The following SPINK9 variants were observed in gnomAD, a reference collection of about 807,000 sequenced individuals.
SPINK9 encodes serine protease inhibitor Kazal-type 9.
Under a neutral mutation model 10.8 loss-of-function variants are expected in SPINK9, and 3 were observed. That is an observed-to-expected ratio of 0.28 (90% CI 0.13 to 0.72). The LOEUF (loss-of-function observed/expected upper bound fraction) is 0.72, where lower values mean the gene tolerates loss of function less well. SPINK9 is among the 30% of genes least tolerant of loss of function. The pLI is 0.74. For synonymous variants in SPINK9, 30 were observed against 31.2 expected (o/e 0.96, Z 0.12); for missense variants, 101 against 103.2 (o/e 0.98, Z 0.09).
At position 148,338,585 on chromosome 5, in the gene SPINK9, C is replaced by A; in HGVS notation, c.195C>A (p.Cys65Ter). 6.3e-7 allele frequency: 1 copy of A among 1,592,210 alleles called. No individual in the cohort carries two copies. Among genetic ancestry groups the A allele is most frequent in the Non-Finnish European group, 8.6e-7 (1 of 1,162,840 alleles). ...GSDGKTYKND[C>*]FFCSKVKKTD... is the part of the protein sequence containing the mutation. ...ATGGCAAAACTTATAAAAATGATTG[C>A]TTCTTCTGTTCTAAAGTTAAGTAAG... Residue 65 changes from cysteine (C) to a stop codon, truncating the protein, a stop_gained, in exon 3 of 4, where the codon TGC (cysteine) becomes TGA (stop). Coordinates refer to ENST00000377906, the MANE Select transcript of SPINK9 (RefSeq NM_001040433.2). LOFTEE classifies it high-confidence loss of function.
exon 2 of SPINK9, chr5:148,323,785 A>G (rs564745155): frequency 8.6e-6 from 6 of 701,162 alleles, no homozygotes; most frequent in South Asian, 5.9e-5. Context: ...CATTGTTTTC[A>G]TTATAAAACT....
chr5:148,323,450 G>A (rs1202671535), intron 1 of SPINK9, among the ~76,000 whole-genome samples: 1 of 152,132 alleles, frequency 6.6e-6, no homozygotes, highest in Admixed American at 6.6e-5. Context: ...GTTCAAATGA[G>A]TTCCCACTGA....
At chr5:148,325,794 C>T (rs998342768) in intron 2 of SPINK9, among the ~76,000 whole-genome samples, 1 of 152,040 alleles carries the variant, frequency 6.6e-6, no homozygotes, top group Non-Finnish European at 1.5e-5. Flanking sequence ...TCTAAGAAAT[C>T]ATTGCCTATT....
At chr5:148,330,541 T>C (rs182669030) in intron 2 of SPINK9, among the ~76,000 whole-genome samples, 8 of 152,360 alleles carry the variant, frequency 5.3e-5, no homozygotes, top group South Asian at 4.1e-4. Flanking sequence ...AATTTGATCC[T>C]GTCACTATGA....
intron 3 of SPINK9, 57 bp downstream of exon 3, chr5:148,338,662 A>C (rs759715765): frequency 4.2e-5 from 56 of 1,342,486 alleles, no homozygotes; most frequent in Non-Finnish European, 5.7e-5. Context: ...TATTAAGACA[A>C]ATTAGAAGGT....
chr5:148,339,661 C>G lies in SPINK9; in HGVS notation c.216-6C>G. On this transcript the variant is annotated splice_region_variant and splice_polypyrimidine_tract_variant and intron_variant, in intron 3 of 3. Transcript: ENST00000377906. ...TTTCTCATTTGTTGCTATATTCTCT[C>G]CACAGGAAAACTGACGGCACACTTA... The G allele has an allele frequency of 6.2e-7, 1 of 1,612,320 alleles. No individual in the cohort carries two copies. Among genetic ancestry groups the G allele is most frequent in the Non-Finnish European group, 8.5e-7 (1 of 1,178,980 alleles).
chr5:148,333,951 T>A (rs1043829597), upstream of SPINK9, among the ~76,000 whole-genome samples: 1 of 152,174 alleles, frequency 6.6e-6, no homozygotes, highest in African/African-American at 2.4e-5. Context: ...CTTACTGTTA[T>A]TGCTATTATC....
rs779153099 is a variant in SPINK9, at chr5:148,335,618, G to A, written c.5G>A (p.Arg2Lys). The A allele has an allele frequency of 1.2e-6, 2 of 1,613,528 alleles. No homozygotes were observed. The highest frequency in any genetic ancestry group is 1.7e-5 in the Admixed American group (1 of 60,000). Residue 2 changes from arginine to lysine, a missense_variant, in exon 1 of 4, where the codon AGA becomes AAA. Arg to Lys is a conservative substitution (Grantham distance 26, BLOSUM62 2). Transcript: ENST00000377906. ...TGCCTTGGCCACTTCAGTACTATGAGAGCAACAGCCATAGTCCTACTCTTG... is the reference window on the plus strand; with the variant it reads ...TGCCTTGGCCACTTCAGTACTATGAAAGCAACAGCCATAGTCCTACTCTTG... M[R>K]ATAIVLLLAL...
upstream of SPINK9, among the ~76,000 whole-genome samples, chr5:148,335,262 A>T (rs972469559): frequency 6.6e-6 from 1 of 152,218 alleles, no homozygotes; most frequent in Non-Finnish European, 1.5e-5. Flanking sequence ...ACCATGGCCA[A>T]AAGATTGCTG....
At chr5:148,334,174 G>T (rs1057379209), upstream of SPINK9, among the ~76,000 whole-genome samples, 1 of 151,960 alleles carries the variant, frequency 6.6e-6, no homozygotes, top group East Asian at 1.9e-4. Context: ...TCTTACTAAA[G>T]GCAGGCTAAG....
At chr5:148,335,523 T>C, upstream of SPINK9, 1 of 1,179,748 alleles carries the variant, frequency 8.5e-7, no homozygotes, top group Non-Finnish European at 1.2e-6. Context: ...CAGGAATTCT[T>C]GAAAATATAT....
chr5:148,331,867 A>T (rs1272008620), upstream of SPINK9, among the ~76,000 whole-genome samples: 2 of 152,252 alleles, frequency 1.3e-5, no homozygotes, highest in African/African-American at 4.8e-5. Context: ...ATAGCTTTGT[A>T]GTAAATTTTA....
chr5:148,327,738 C>T (rs1757084649), intron 2 of SPINK9, among the ~76,000 whole-genome samples: 1 of 151,342 alleles, frequency 6.6e-6, no homozygotes, highest in Non-Finnish European at 1.5e-5. Context: ...AGCCAGTTTT[C>T]CCAGCACCAT....
At chr5:148,331,092 G>C (rs773457052), upstream of SPINK9, among the ~76,000 whole-genome samples, 1 of 152,188 alleles carries the variant, frequency 6.6e-6, no homozygotes, top group Non-Finnish European at 1.5e-5. Context: ...TGCACCCACT[G>C]TCCTGCACCC....
At position 148,335,683 on chromosome 5, in the gene SPINK9, T is replaced by C. The variant is rs752457064; in HGVS notation, c.55+15T>C. ...AACCATGTTCAGTGAGTATCTCTGA[T>C]AATACTGCCCCTGCCCTTGTACTAA... On this transcript the variant is annotated intron_variant, in intron 1 of 3. Transcript: ENST00000377906. The C allele has an allele frequency of 1.9e-5, 31 of 1,612,262 alleles. No individual in the cohort carries two copies. The highest frequency in any genetic ancestry group is 2.5e-5 in the Non-Finnish European group (30 of 1,178,970).
At chr5:148,324,498 G>A (rs969041863) in intron 2 of SPINK9, among the ~76,000 whole-genome samples, 1 of 151,974 alleles carries the variant, frequency 6.6e-6, no homozygotes, top group African/African-American at 2.4e-5. Flanking sequence ...TGGCTGAAAA[G>A]ATACAATATG....
intron 1 of SPINK9, among the ~76,000 whole-genome samples, chr5:148,322,853 C>T (rs946369815): frequency 6.6e-6 from 1 of 152,146 alleles, no homozygotes; most frequent in Non-Finnish European, 1.5e-5. Flanking sequence ...AGACACCAGA[C>T]TGTTGATAAT....
intron 2 of SPINK9, among the ~76,000 whole-genome samples, chr5:148,325,696 G>T (rs768614294): frequency 6.6e-6 from 1 of 151,996 alleles, no homozygotes; most frequent in Non-Finnish European, 1.5e-5. Flanking sequence ...CTCATTCTGT[G>T]AGCTGTCCTT....
At chr5:148,332,813 T>C (rs1757167727), upstream of SPINK9, among the ~76,000 whole-genome samples, 1 of 152,200 alleles carries the variant, frequency 6.6e-6, no homozygotes, top group Non-Finnish European at 1.5e-5. Flanking sequence ...ACTTGCTCTC[T>C]GAGATGCTCC....
Sources: gnomAD v4.1 joint callset for allele counts (sites outside exome capture counted in the v4.1 genomes callset) on GRCh38, gnomAD v4.1.1 for gene constraint, MANE v1.5 for transcripts, NCBI Gene and HGNC (gene_info 2026-07-23, HGNC 2026-07-21) for gene names.